Variants in ZHX3 observed in about 807,000 individuals in gnomAD.
ZHX3 encodes zinc fingers and homeoboxes protein 3.
In ZHX3, 20 loss-of-function variants were observed where a neutral mutation model predicts 64.5. The observed-to-expected ratio is 0.31, with a 90% CI of 0.22 to 0.45. ZHX3 has a LOEUF of 0.45. Ranked by LOEUF, ZHX3 falls within the 20% of genes least tolerant of loss-of-function variation. The probability of loss-of-function intolerance (pLI) is 1.00; values close to 1 mark genes in which losing one functional copy is unlikely to be tolerated. For synonymous variants in ZHX3, 423 were observed against 461.6 expected (o/e 0.92, Z 1.07); for missense variants, 1,041 against 1,195.8 (o/e 0.87, Z 1.91).
At chr20:41,187,110 G>C (rs747798928) in intron 3 of ZHX3, among the ~76,000 whole-genome samples, 1 of 151,948 alleles carries the variant, frequency 6.6e-6, no homozygotes, top group African/African-American at 2.4e-5. Flanking sequence ...CTTGAAGTCA[G>C]GAGTTCAAGA....
rs535109714 is a variant in ZHX3 at position 41,259,273 on chromosome 20, A to G, written c.-151+9717T>C. On this transcript the variant is annotated intron_variant, in intron 2 of 3. Coordinates refer to ENST00000683867, the MANE Select transcript of ZHX3 (RefSeq NM_001384317.1). The stretch of plus-strand genomic sequence containing the variant: ...TGATCTATAGACTCTCATTCTCAGA[A>G]AATGCACAATATATTGTACACACGA... 3.0e-4 allele frequency among the ~76,000 whole-genome samples: 45 copies of G among 152,332 alleles called. 1 individual carries two copies. Among genetic ancestry groups the G allele is most frequent in the South Asian group, 1.0e-3 (5 of 4,834 alleles).
At chr20:41,297,693 C>G (rs6029615) in intron 1 of ZHX3, among the ~76,000 whole-genome samples, 27,247 of 152,108 alleles carry the variant, frequency 0.18, 4,023 homozygotes, top group African/African-American at 0.41. Flanking sequence ...GAAATGGGGA[C>G]CTAGTTACCC....
rs897887847 is a variant in ZHX3 at position 41,219,681 on chromosome 20, A to G, written c.-150-14615T>C. ...AGATGCTAGCTAGCCCTATAACTCA[A>G]GAAGCTAACAGTCTGTTGTGGTTAT... On this transcript the variant is annotated intron_variant, in intron 2 of 3. Transcript: ENST00000683867. This position sits in a 1 kb window ranked among gnomAD's most constrained non-coding sequence, Gnocchi z 5.0. 1.3e-5 allele frequency among the ~76,000 whole-genome samples: 2 copies of G among 152,262 alleles called. No individual in the cohort carries two copies. The highest frequency in any genetic ancestry group is 2.1e-4 in the South Asian group (1 of 4,832).
rs1353944351 is a variant in ZHX3 at position 41,202,794 on chromosome 20, G to C, written c.2123C>G (p.Ser708Cys). The C allele has an allele frequency of 1.9e-6, 3 of 1,614,112 alleles. No individual in the cohort carries two copies. The South Asian group carries it at 3.3e-5, about 18-fold the overall frequency. The change falls in exon 3 of 4, where the codon TCT becomes TGT. Residue 708 changes from serine to cysteine, a missense_variant. Ser to Cys is a moderately radical substitution (Grantham distance 112). Coordinates refer to ENST00000683867, the MANE Select transcript of ZHX3 (RefSeq NM_001384317.1). The surrounding 1 kb of genome is among the most constrained non-coding windows in gnomAD (Gnocchi z 7.0). ...GATATGGCTGCTGGGCATTTCCAGAGAGCCATTTTCACCAGAGACCCTTAG... is the reference window on the plus strand; with the variant it reads ...GATATGGCTGCTGGGCATTTCCAGACAGCCATTTTCACCAGAGACCCTTAG... ...SELRVSGENG[S>C]LEMPSSHILA...
At chr20:41,258,422 T>C (rs2042382641) in intron 2 of ZHX3, among the ~76,000 whole-genome samples, 1 of 152,218 alleles carries the variant, frequency 6.6e-6, no homozygotes, top group African/African-American at 2.4e-5. Flanking sequence ...GTCCCTTTAC[T>C]GTTCCAGAAT....
rs977636647 is a variant in ZHX3 at position 41,284,852 on chromosome 20, C to G, written c.-244-15769G>C. Among the ~76,000 whole-genome samples, 9 of 152,260 alleles carry G rather than the reference C, an allele frequency of 5.9e-5. No homozygotes were observed. The East Asian group carries it at 1.7e-3, about 29-fold the overall frequency. On this transcript the variant is annotated intron_variant, in intron 1 of 3. Transcript: ENST00000683867. The stretch of plus-strand genomic sequence containing the variant: ...CTCTCTCCTAAGCTCCATCCTACCC[C>G]CTACACAGCATGCTCTCACTAGCTA...
intron 1 of ZHX3, among the ~76,000 whole-genome samples, chr20:41,305,810 T>C (rs1376013161): frequency 6.6e-6 from 1 of 151,776 alleles, no homozygotes; most frequent in Non-Finnish European, 1.5e-5. Flanking sequence ...AATAAATAAA[T>C]AAATAAACCC....
chr20:41,226,473 G>A lies in ZHX3; in HGVS notation c.-150-21407C>T, dbSNP rs527653804. On this transcript the variant is annotated intron_variant, in intron 2 of 3. Transcript: ENST00000683867. This position sits in a 1 kb window ranked among gnomAD's most constrained non-coding sequence, Gnocchi z 4.4. ...ACATTTAGGTTGCTTCCCCCTCTTG[G>A]TTATTGTGAATAATGCTGCAGTGAA... Among the ~76,000 whole-genome samples, 3 of 152,138 alleles carry A rather than the reference G, an allele frequency of 2.0e-5. No homozygotes were observed. Among genetic ancestry groups the A allele is most frequent in the East Asian group, 1.9e-4 (1 of 5,184 alleles).
chr20:41,205,766 C>T (rs928866010), intron 2 of ZHX3, among the ~76,000 whole-genome samples: 1 of 152,184 alleles, frequency 6.6e-6, no homozygotes, highest in Non-Finnish European at 1.5e-5. Flanking sequence ...CAGTTTGTGG[C>T]CCAGCAAGCT....
At chr20:41,199,996 G>A (rs181610423) in intron 3 of ZHX3, among the ~76,000 whole-genome samples, 1 of 152,138 alleles carries the variant, frequency 6.6e-6, no homozygotes. Flanking sequence ...ACCACACCTG[G>A]CCACAAAAAC....
intron 1 of ZHX3, chr20:41,316,849 A>T (rs2045302393): frequency 6.6e-6 from 1 of 152,334 alleles, no homozygotes; most frequent in Non-Finnish European, 1.5e-5. Context: ...AACAAGCTCC[A>T]AACTCCACTC....
chr20:41,240,447 T>C (rs2041304583), intron 2 of ZHX3, among the ~76,000 whole-genome samples: 2 of 152,174 alleles, frequency 1.3e-5, no homozygotes, highest in Admixed American at 6.5e-5. Flanking sequence ...ATGGGTTACA[T>C]GAGATATTTT....
At chr20:41,238,320 T>C (rs566828631) in intron 2 of ZHX3, among the ~76,000 whole-genome samples, 1 of 152,208 alleles carries the variant, frequency 6.6e-6, no homozygotes, top group African/African-American at 2.4e-5. Context: ...CAACTATTTC[T>C]AACAGAGTTT....
rs930556285 is a variant in ZHX3 at position 41,226,536 on chromosome 20, T to C, written c.-150-21470A>G. On this transcript the variant is annotated intron_variant, in intron 2 of 3. Coordinates refer to ENST00000683867, the MANE Select transcript of ZHX3 (RefSeq NM_001384317.1). This position sits in a 1 kb window ranked among gnomAD's most constrained non-coding sequence, Gnocchi z 4.4. ...AATATCTCTTTGGGATCTTATTTTT[T>C]ATTCTTTTGGGTATACACTTTTTCT... Among the ~76,000 whole-genome samples, 2 of 152,196 alleles carry C rather than the reference T, an allele frequency of 1.3e-5. No individual in the cohort carries two copies. The highest frequency in any genetic ancestry group is 2.4e-5 in the African/African-American group (1 of 41,450).
intron 1 of ZHX3, among the ~76,000 whole-genome samples, chr20:41,294,671 A>C (rs768008164): frequency 6.7e-6 from 1 of 149,888 alleles, no homozygotes. Flanking sequence ...CCTTAGCAAT[A>C]GTTTTTAAAA....
intron 1 of ZHX3, among the ~76,000 whole-genome samples, chr20:41,276,851 T>A (rs1457079560): frequency 1.3e-5 from 2 of 152,194 alleles, no homozygotes; most frequent in African/African-American, 4.8e-5. Flanking sequence ...CCTGGACACA[T>A]CCTACATACC....
chr20:41,312,679 T>C (rs915869675), intron 1 of ZHX3, among the ~76,000 whole-genome samples: 2 of 152,166 alleles, frequency 1.3e-5, no homozygotes, highest in African/African-American at 4.8e-5. Context: ...ACTGGACGTT[T>C]AAGGATCTTT....
At chr20:41,264,153 AATC>A (rs1356025495) in intron 2 of ZHX3, among the ~76,000 whole-genome samples, 1 of 152,032 alleles carries the variant, frequency 6.6e-6, no homozygotes, top group African/African-American at 2.4e-5. Context: ...TCACACCAGT[AATC>A]CTAGCACTTT....
At position 41,201,159 on chromosome 20, in the gene ZHX3, A is replaced by G; in HGVS notation, c.2860+898T>C. On this transcript the variant is annotated intron_variant, in intron 3 of 3. Transcript: ENST00000683867. This position sits in a 1 kb window ranked among gnomAD's most constrained non-coding sequence, Gnocchi z 5.0. ...GCCAAAGTCACCACGGAACCATCAC[A>G]TTGCCCAACACCACAAATAGTGTCT... 1.7e-6 allele frequency: 1 copy of G among 581,088 alleles called. No homozygotes were observed. Among genetic ancestry groups the G allele is most frequent in the African/African-American group, 2.0e-5 (1 of 50,278 alleles). The allele number at this position is 581,088 out of a possible 1,614,324, so 36.0% of individuals were successfully genotyped here.
Sources: gnomAD v4.1 joint callset for allele counts (sites outside exome capture counted in the v4.1 genomes callset) on GRCh38, gnomAD v4.1.1 for gene constraint, Gnocchi (gnomAD v3.1) non-coding constraint, MANE v1.5 for transcripts, NCBI Gene and HGNC (gene_info 2026-07-23, HGNC 2026-07-21) for gene names.